The following MAP3K7 variants were observed in gnomAD, a reference collection of about 807,000 sequenced individuals.
The protein encoded by MAP3K7 is TGF-beta activated kinase 1.
Under a neutral mutation model 84.8 loss-of-function variants are expected in MAP3K7, and 21 were observed. The ratio of observed to expected loss-of-function variants is 0.25; its 90% CI spans 0.18 to 0.36. The LOEUF (loss-of-function observed/expected upper bound fraction) is 0.36. Among genes scored for constraint, MAP3K7 ranks in the 10% least tolerant of loss-of-function variants. The probability of loss-of-function intolerance (pLI) is 1.00; values close to 1 mark genes in which losing one functional copy is unlikely to be tolerated. For missense variants in MAP3K7, 503 were observed against 747.7 expected (o/e 0.67, Z 3.82); for synonymous variants, 241 against 247.7 (o/e 0.97, Z 0.25).
chr6:90,521,622 C>A (rs890869331), intron 14 of MAP3K7, among the ~76,000 whole-genome samples: 1 of 151,964 alleles, frequency 6.6e-6, no homozygotes, highest in African/African-American at 2.4e-5. Flanking sequence ...AGTATTATGA[C>A]TCTAACCAGA....
At chr6:90,542,016 GAA>G (rs757534518) in intron 12 of MAP3K7, among the ~76,000 whole-genome samples, 78 of 151,992 alleles carry the variant, frequency 5.1e-4, no homozygotes, top group Admixed American at 2.2e-3. Context: ...TATTTAAAAA[GAA>G]TCCTTGCAAT....
At chr6:90,564,653 C>G (rs867964280) in intron 3 of MAP3K7, among the ~76,000 whole-genome samples, 1 of 152,148 alleles carries the variant, frequency 6.6e-6, no homozygotes, top group African/African-American at 2.4e-5. Flanking sequence ...CAATGTTAGA[C>G]AAATTAACGA....
intron 1 of MAP3K7, among the ~76,000 whole-genome samples, chr6:90,579,457 T>G (rs1276674529): frequency 6.6e-6 from 1 of 152,182 alleles, no homozygotes; most frequent in African/African-American, 2.4e-5. Context: ...CCCTTTTGTT[T>G]CTGAATCTGT....
chr6:90,550,053 T>G (rs1268385364), intron 9 of MAP3K7, among the ~76,000 whole-genome samples: 1 of 152,182 alleles, frequency 6.6e-6, no homozygotes, highest in Non-Finnish European at 1.5e-5. Flanking sequence ...TAAGGAACTT[T>G]TAACATAGCT....
intron 1 of MAP3K7, among the ~76,000 whole-genome samples, chr6:90,580,911 C>T (rs1190219836): frequency 6.6e-6 from 1 of 152,174 alleles, no homozygotes; most frequent in Admixed American, 6.5e-5. Flanking sequence ...ATAAGCATTT[C>T]TCCCCCTATG....
chr6:90,561,541 T>C (rs1311624071), intron 4 of MAP3K7, 81 bp downstream of exon 4: 2 of 1,041,272 alleles, frequency 1.9e-6, no homozygotes, highest in Admixed American at 2.2e-5. Flanking sequence ...TTGTGAAGAA[T>C]GTTAAACAAC....
rs751313092 is a variant in MAP3K7 at position 90,544,545 on chromosome 6, A to G, written c.1291+7T>C. On this transcript the variant is annotated splice_region_variant and intron_variant, in intron 12 of 16. Coordinates refer to ENST00000369329, the MANE Select transcript of MAP3K7 (RefSeq NM_145331.3). The stretch of plus-strand genomic sequence containing the variant: ...GCTATTAGACCAACTCAGGTGGTCT[A>G]TGATACCTGATATGACGATCTCAGG... 5 of 1,611,588 alleles carry G rather than the reference A, an allele frequency of 3.1e-6. No homozygotes were observed. The highest frequency in any genetic ancestry group is 1.3e-5 in the African/African-American group (1 of 74,826).
Position 90,516,402 on chromosome 6 carries a change from C to T in MAP3K7, c.*99G>A, listed in dbSNP as rs1184986542. 1.6e-6 allele frequency: 2 copies of T among 1,285,958 alleles called. No individual in the cohort carries two copies. Among genetic ancestry groups the T allele is most frequent in the Non-Finnish European group, 2.2e-6 (2 of 911,694 alleles). 79.7% of individuals were successfully genotyped at this position (1,285,958 alleles called of 1,614,324 possible). On this transcript the variant is annotated 3_prime_UTR_variant, in exon 17 of 17. Transcript: ENST00000369329. ...ATAGGCAGTTGGCATTCAGAACACG[C>T]CAAAAAGCTAACACTCATGAATCGT...
At chr6:90,536,090 A>G (rs1582179193) in intron 13 of MAP3K7, among the ~76,000 whole-genome samples, 2 of 152,276 alleles carry the variant, frequency 1.3e-5, no homozygotes, top group East Asian at 3.9e-4. Context: ...ACATATATAC[A>G]GCGCTAATGA....
At chr6:90,585,299 TAA>T (rs1168817076) in intron 1 of MAP3K7, among the ~76,000 whole-genome samples, 5 of 152,164 alleles carry the variant, frequency 3.3e-5, no homozygotes, top group Admixed American at 2.0e-4. Flanking sequence ...CAATAATCTC[TAA>T]AGTTACTTTA....
chr6:90,530,122 T>C (rs113454964), intron 13 of MAP3K7, among the ~76,000 whole-genome samples: 1 of 152,230 alleles, frequency 6.6e-6, no homozygotes, highest in East Asian at 1.9e-4. Flanking sequence ...TACACAAATA[T>C]GCCCATAGTT....
rs534464673 is a variant in MAP3K7, at chr6:90,536,631, C to A, written c.1292-230G>T. Reference sequence around the variant, plus strand: ...TAACTCAAAAGTTGCTGGCCTACAACAGAGTATGTCCTAATACAATAACCA... The same window carrying A: ...TAACTCAAAAGTTGCTGGCCTACAAAAGAGTATGTCCTAATACAATAACCA... On this transcript the variant is annotated intron_variant, in intron 12 of 16. Coordinates refer to ENST00000369329, the MANE Select transcript of MAP3K7 (RefSeq NM_145331.3). 1.6e-4 allele frequency: 81 copies of A among 498,410 alleles called. 2 individuals are homozygous for A. In the South Asian group the frequency reaches 1.7e-3, roughly 10 times the overall value. The allele number at this position is 498,410 out of a possible 1,614,324, so 30.9% of individuals were successfully genotyped here.
chr6:90,522,934 A>G (rs1775198925), intron 14 of MAP3K7, among the ~76,000 whole-genome samples: 1 of 152,184 alleles, frequency 6.6e-6, no homozygotes, highest in Non-Finnish European at 1.5e-5. Context: ...GTGACTTAAT[A>G]TAATATAAAT....
chr6:90,564,458 CA>C (rs1444763896), intron 3 of MAP3K7, among the ~76,000 whole-genome samples: 1 of 151,960 alleles, frequency 6.6e-6, no homozygotes, highest in Non-Finnish European at 1.5e-5. Context: ...CAACAAAGAT[CA>C]AAAGAGACAA....
intron 1 of MAP3K7, among the ~76,000 whole-genome samples, chr6:90,577,370 G>A (rs1777120943): frequency 6.6e-6 from 1 of 152,194 alleles, no homozygotes; most frequent in Non-Finnish European, 1.5e-5. Flanking sequence ...GAGATATCAA[G>A]TAAGAAGGTA....
At chr6:90,567,150 T>C (rs1327166077) in intron 3 of MAP3K7, among the ~76,000 whole-genome samples, 3 of 152,196 alleles carry the variant, frequency 2.0e-5, no homozygotes, top group Non-Finnish European at 4.4e-5. Context: ...GACATAGGCA[T>C]GGGCAAGGAC....
chr6:90,530,872 C>G (rs1038356062), intron 13 of MAP3K7, among the ~76,000 whole-genome samples: 2 of 152,104 alleles, frequency 1.3e-5, no homozygotes, highest in Non-Finnish European at 2.9e-5. Context: ...TTTTACAGTA[C>G]TTATTTTTTA....
At chr6:90,539,309 A>G (rs771036780) in intron 12 of MAP3K7, among the ~76,000 whole-genome samples, 8 of 151,920 alleles carry the variant, frequency 5.3e-5, no homozygotes, top group African/African-American at 1.9e-4. Context: ...AATATGGCAG[A>G]AAGGCCACCT....
chr6:90,585,476 T>G (rs1777414658), intron 1 of MAP3K7, among the ~76,000 whole-genome samples: 2 of 152,244 alleles, frequency 1.3e-5, no homozygotes, highest in South Asian at 4.1e-4. Context: ...CTATAATATT[T>G]CACTAGGTTT....
Sources: allele counts gnomAD v4.1 joint callset (sites outside exome capture counted in the v4.1 genomes callset), GRCh38; gene constraint gnomAD v4.1.1; transcripts MANE v1.5; gene names NCBI Gene and HGNC (gene_info 2026-07-23, HGNC 2026-07-21).